PAK1: variants seen among roughly 807,000 people sequenced by gnomAD.
PAK1 encodes the protein p21 (RAC1) activated kinase 1.
In PAK1, 29 loss-of-function variants were observed where a neutral mutation model predicts 67.4. That is an observed-to-expected ratio of 0.43 (90% CI 0.32 to 0.59). PAK1 has a LOEUF of 0.59. PAK1 is among the 20% of genes least tolerant of loss of function. The pLI is 0.07. For missense variants in PAK1, 337 were observed against 670.7 expected (o/e 0.50, Z 5.50); for synonymous variants, 223 against 237.4 (o/e 0.94, Z 0.56).
At chr11:77,332,914 C>T (rs1350989233) in intron 13 of PAK1, 47 bp from the exon 14 acceptor site, 7 of 1,584,834 alleles carry the variant, frequency 4.4e-6, no homozygotes, top group Non-Finnish European at 6.1e-6. Flanking sequence ...ATGAGGCTCT[C>T]TCTTGTTCCC....
chr11:77,430,775 C>T (rs760514570), intron 1 of PAK1, among the ~76,000 whole-genome samples: 21 of 152,164 alleles, frequency 1.4e-4, no homozygotes, highest in Non-Finnish European at 2.6e-4. Context: ...GGAAAAGAAT[C>T]TTTAAAGCAC....
At chr11:77,444,885 T>A (rs1288611339) in intron 1 of PAK1, among the ~76,000 whole-genome samples, 1 of 152,064 alleles carries the variant, frequency 6.6e-6, no homozygotes, top group South Asian at 2.1e-4. Context: ...TCCCACAATA[T>A]CTCTACTTCT....
chr11:77,397,891 G>T (rs558651528), intron 1 of PAK1, among the ~76,000 whole-genome samples: 1 of 152,326 alleles, frequency 6.6e-6, no homozygotes, highest in African/African-American at 2.4e-5. Context: ...GCAATTTATA[G>T]GTAGAGTAGG....
chr11:77,433,324 G>A (rs926845930), intron 1 of PAK1, among the ~76,000 whole-genome samples: 1 of 152,016 alleles, frequency 6.6e-6, no homozygotes, highest in Admixed American at 6.5e-5. Flanking sequence ...AACAAAAGAA[G>A]AACTAAATAA....
the PAK1 span, among the ~76,000 whole-genome samples, chr11:77,496,835 A>G: frequency 6.6e-6 from 1 of 152,220 alleles, no homozygotes; most frequent in Non-Finnish European, 1.5e-5. Context: ...CAGGAGGCTG[A>G]GGTAGGAGAA....
At chr11:77,410,486 T>C (rs1330243173) in intron 1 of PAK1, among the ~76,000 whole-genome samples, 1 of 152,060 alleles carries the variant, frequency 6.6e-6, no homozygotes, top group Non-Finnish European at 1.5e-5. Context: ...TGTTTGGACC[T>C]CATAAACACA....
intron 1 of PAK1, among the ~76,000 whole-genome samples, chr11:77,398,948 A>G (rs972305414): frequency 6.6e-6 from 1 of 152,238 alleles, no homozygotes; most frequent in Admixed American, 6.5e-5. Context: ...AAAGTCTACC[A>G]TGAGCTAAGT....
chr11:77,433,441 G>A (rs1476987934), intron 1 of PAK1, among the ~76,000 whole-genome samples: 1 of 152,138 alleles, frequency 6.6e-6, no homozygotes, highest in Non-Finnish European at 1.5e-5. Flanking sequence ...ACATATATTT[G>A]ATAGGAGACT....
intron 10 of PAK1, among the ~76,000 whole-genome samples, chr11:77,342,162 C>T (rs533010959): frequency 1.8e-4 from 28 of 152,132 alleles, no homozygotes; most frequent in Non-Finnish European, 4.0e-4. Flanking sequence ...AAACCACAGA[C>T]CCTCATTTGC....
chr11:77,378,461 A>G (rs1334134992), intron 4 of PAK1, among the ~76,000 whole-genome samples: 1 of 152,244 alleles, frequency 6.6e-6, no homozygotes, highest in Non-Finnish European at 1.5e-5. Flanking sequence ...TGAGGAAGAC[A>G]TACATTAATG....
intron 4 of PAK1, among the ~76,000 whole-genome samples, chr11:77,378,454 G>A (rs1314992374): frequency 6.6e-6 from 1 of 151,922 alleles, no homozygotes; most frequent in African/African-American, 2.4e-5. Flanking sequence ...AGTTCCCTGA[G>A]GAAGACATAC....
At chr11:77,358,192 C>T (rs1481198339) in intron 6 of PAK1, among the ~76,000 whole-genome samples, 1 of 151,622 alleles carries the variant, frequency 6.6e-6, no homozygotes, top group Non-Finnish European at 1.5e-5. Context: ...TAGATGGTTC[C>T]TTCATTATGG....
chr11:77,470,444 T>C (rs766060872), intron 1 of PAK1, among the ~76,000 whole-genome samples: 1 of 152,220 alleles, frequency 6.6e-6, no homozygotes, highest in African/African-American at 2.4e-5. Flanking sequence ...TGCACTCTTG[T>C]ATATAGCTGA....
intron 1 of PAK1, among the ~76,000 whole-genome samples, chr11:77,394,671 C>T (rs1300260459): frequency 6.6e-6 from 1 of 152,056 alleles, no homozygotes; most frequent in African/African-American, 2.4e-5. Flanking sequence ...ATGGTGAAAC[C>T]CCATCTCTAC....
At chr11:77,391,083 A>G (rs1951081399) in intron 2 of PAK1, among the ~76,000 whole-genome samples, 1 of 152,130 alleles carries the variant, frequency 6.6e-6, no homozygotes. Context: ...TAATGACACT[A>G]CCATCTACCA....
In PAK1 at chr11:77,323,029, C is replaced by A; in HGVS notation, c.*245G>T. On this transcript the variant is annotated 3_prime_UTR_variant, in exon 15 of 15. Transcript: ENST00000356341. ...TATATAAACCCTTAATCATAAACCA[C>A]CCTCATATCCATGAATTGGGAGGAA... is the stretch of plus-strand genomic sequence containing the variant. The A allele has an allele frequency of 1.4e-6, 1 of 726,606 alleles. No individual in the cohort carries two copies. The highest frequency in any genetic ancestry group is 2.4e-6 in the Non-Finnish European group (1 of 412,900). The allele number at this position is 726,606 out of a possible 1,614,324, so 45.0% of individuals were successfully genotyped here. A position where few individuals can be genotyped will look rare whatever the true frequency, so the allele number is the denominator to read the frequency against.
upstream of PAK1, among the ~76,000 whole-genome samples, chr11:77,479,451 G>A (rs1356663648): frequency 6.6e-6 from 1 of 152,114 alleles, no homozygotes; most frequent in African/African-American, 2.4e-5. Flanking sequence ...GGCCAAAGGA[G>A]AGAAGGGGGA....
chr11:77,421,521 A>G lies in PAK1; in HGVS notation c.-21-28980T>C, dbSNP rs548324897. On this transcript the variant is annotated intron_variant, in intron 1 of 14. Transcript: ENST00000356341. ...TTTGCCTATTGGCTGGCTCCCTCCA[A>G]TGGAACATATGCTCCACAAAGGCAA... Among the ~76,000 whole-genome samples the G allele has an allele frequency of 2.0e-5, 3 of 152,340 alleles. No homozygotes were observed. In the South Asian group the frequency reaches 6.2e-4, roughly 32 times the overall value.
At chr11:77,392,667 C>T in intron 1 of PAK1, 126 bp from the exon 2 acceptor site, 1 of 591,316 alleles carries the variant, frequency 1.7e-6, no homozygotes, top group Non-Finnish European at 2.9e-6. Context: ...CAAGTCCTTC[C>T]ACTGCACACC....
Sources: allele counts gnomAD v4.1 joint callset (sites outside exome capture counted in the v4.1 genomes callset), GRCh38; gene constraint gnomAD v4.1.1; transcripts MANE v1.5; gene names NCBI Gene and HGNC (gene_info 2026-07-23, HGNC 2026-07-21).